Variants in TENM3 observed in about 807,000 individuals in gnomAD.
The protein encoded by TENM3 is teneurin transmembrane protein 3, also known as teneurin-3.
TENM3 carries 63 observed loss-of-function variants against 255.1 expected under a neutral mutation model. The observed-to-expected ratio is 0.25, with a 90% CI of 0.20 to 0.30. The LOEUF (loss-of-function observed/expected upper bound fraction) is 0.30, where lower values mean the gene tolerates loss of function less well. Ranked by LOEUF, TENM3 falls within the 10% of genes least tolerant of loss-of-function variation. The pLI is 1.00. For missense variants in TENM3, 2,929 were observed against 3,461.1 expected (o/e 0.85, Z 3.86); for synonymous variants, 1,306 against 1,322.3 (o/e 0.99, Z 0.27).
the TENM3 span, among the ~76,000 whole-genome samples, chr4:181,666,122 T>C: frequency 6.6e-6 from 1 of 152,100 alleles, no homozygotes; most frequent in Non-Finnish European, 1.5e-5. Context: ...TTTTGAAAAG[T>C]TTCCTTCACA....
chr4:181,721,028 G>T, the TENM3 span, among the ~76,000 whole-genome samples: 68 of 151,930 alleles, frequency 4.5e-4, 1 homozygote, highest in African/African-American at 1.5e-3. Flanking sequence ...GAGCATGAAG[G>T]CAGAGTCAGG....
At chr4:181,530,071 C>T in the TENM3 span, among the ~76,000 whole-genome samples, 1 of 152,090 alleles carries the variant, frequency 6.6e-6, no homozygotes, top group African/African-American at 2.4e-5. Context: ...TAACTGTGTA[C>T]AATTACATTT....
At chr4:181,510,377 G>A in the TENM3 span, among the ~76,000 whole-genome samples, 1 of 151,818 alleles carries the variant, frequency 6.6e-6, no homozygotes, top group Non-Finnish European at 1.5e-5. Context: ...CAAAAACAAA[G>A]CCTCTGAGAG....
chr4:182,284,364 T>C (rs1350608653), intron 1 of TENM3, among the ~76,000 whole-genome samples: 1 of 152,216 alleles, frequency 6.6e-6, no homozygotes, highest in African/African-American at 2.4e-5. Flanking sequence ...AAAGTTATTA[T>C]AATTTTGGTT....
the TENM3 span, among the ~76,000 whole-genome samples, chr4:182,093,122 C>G: frequency 6.6e-6 from 1 of 152,152 alleles, no homozygotes; most frequent in Non-Finnish European, 1.5e-5. Context: ...TACTCATACA[C>G]TGATTACTCC....
the TENM3 span, among the ~76,000 whole-genome samples, chr4:182,103,618 C>G: frequency 6.6e-6 from 1 of 152,206 alleles, no homozygotes; most frequent in Non-Finnish European, 1.5e-5. Flanking sequence ...CACTGCCCTG[C>G]CCACAGCAGT....
At chr4:182,283,818 GTGTT>G (rs1316339985) in intron 1 of TENM3, among the ~76,000 whole-genome samples, 1 of 152,162 alleles carries the variant, frequency 6.6e-6, no homozygotes, top group East Asian at 1.9e-4. Flanking sequence ...GGGTATGTGG[GTGTT>G]TGTTGTCTTA....
chr4:182,537,495 CA>C (rs1327575843), intron 3 of TENM3, among the ~76,000 whole-genome samples: 3 of 152,230 alleles, frequency 2.0e-5, no homozygotes, highest in African/African-American at 7.2e-5. Flanking sequence ...TTCTCAGCTT[CA>C]GTCAAGTAAA....
the TENM3 span, among the ~76,000 whole-genome samples, chr4:181,626,792 G>A: frequency 6.6e-6 from 1 of 152,194 alleles, no homozygotes; most frequent in Non-Finnish European, 1.5e-5. Flanking sequence ...ATTCAAACGG[G>A]TTTGGATTTG....
At chr4:182,785,815 A>G (rs905624669) in intron 24 of TENM3, among the ~76,000 whole-genome samples, 3 of 149,914 alleles carry the variant, frequency 2.0e-5, no homozygotes, top group Non-Finnish European at 2.9e-5. Flanking sequence ...CCCTGACATC[A>G]TAAAGATGTG....
the TENM3 span, among the ~76,000 whole-genome samples, chr4:181,896,527 C>T: frequency 1.3e-5 from 2 of 152,148 alleles, no homozygotes; most frequent in African/African-American, 2.4e-5. Flanking sequence ...GGTGACAGCA[C>T]CAGCTTTCCC....
the TENM3 span, among the ~76,000 whole-genome samples, chr4:181,969,484 A>C: frequency 6.6e-6 from 1 of 152,142 alleles, no homozygotes; most frequent in African/African-American, 2.4e-5. Flanking sequence ...AGTCTTTCTC[A>C]ACATTTTTGC....
intron 3 of TENM3, among the ~76,000 whole-genome samples, chr4:182,564,787 A>T (rs1393564264): frequency 6.6e-6 from 1 of 152,192 alleles, no homozygotes; most frequent in African/African-American, 2.4e-5. Context: ...TAACTCCTGC[A>T]ATGATCTAAC....
the TENM3 span, among the ~76,000 whole-genome samples, chr4:181,813,952 T>G: frequency 6.6e-6 from 1 of 151,966 alleles, no homozygotes; most frequent in Non-Finnish European, 1.5e-5. Flanking sequence ...GAGAAGAAAA[T>G]AGTAGCTTAA....
At chr4:181,820,428 A>ATTT in the TENM3 span, 1 of 151,864 alleles carries the variant, frequency 6.6e-6, no homozygotes, top group Non-Finnish European at 1.5e-5. Flanking sequence ...ACTTTTTCAT[A>ATTT]TTTTCTTAGT....
rs1214155510 is a variant in TENM3 at position 182,169,491 on chromosome 4, T to C, written c.-76+24737T>C. 2.0e-5 allele frequency: 6 copies of C among 296,166 alleles called. No individual in the cohort carries two copies. The East Asian group carries it at 6.3e-4, about 31-fold the overall frequency. The allele number at this position is 296,166 out of a possible 1,614,324, so 18.3% of individuals were successfully genotyped here. A position where few individuals can be genotyped will look rare whatever the true frequency, so the allele number is the denominator to read the frequency against. On this transcript the variant is annotated intron_variant, in intron 1 of 2. Coordinates refer to the TENM3 transcript ENST00000512480. ...ACCACCTAAAATATGAATGAAGATATATGTGAGGAGCTTTTTAGAGGAGAA... is the reference window on the plus strand; with the variant it reads ...ACCACCTAAAATATGAATGAAGATACATGTGAGGAGCTTTTTAGAGGAGAA...
rs1467379690 is a variant in TENM3, at chr4:182,716,288, C to T, written c.2368+2055C>T. On this transcript the variant is annotated intron_variant, in intron 13 of 27. Coordinates refer to ENST00000511685, the MANE Select transcript of TENM3 (RefSeq NM_001080477.4). ...AGGACCAAGTCTGCAGAGACACTGC[C>T]GAGTAATTTAGGGGCTAATCAACTC... 3.9e-5 allele frequency among the ~76,000 whole-genome samples: 6 copies of T among 152,152 alleles called. No homozygotes were observed. In the East Asian group the frequency reaches 9.6e-4, roughly 24 times the overall value.
chr4:181,504,294 G>T, the TENM3 span, among the ~76,000 whole-genome samples: 1 of 152,166 alleles, frequency 6.6e-6, no homozygotes, highest in Non-Finnish European at 1.5e-5. Context: ...CACAGCTCAC[G>T]CTTGTCTCTC....
At chr4:181,683,196 T>A in the TENM3 span, among the ~76,000 whole-genome samples, 1 of 152,080 alleles carries the variant, frequency 6.6e-6, no homozygotes, top group African/African-American at 2.4e-5. Flanking sequence ...ATATACCAGG[T>A]AGAGGACTAT....
Sources: gnomAD v4.1 joint callset for allele counts (sites outside exome capture counted in the v4.1 genomes callset) on GRCh38, gnomAD v4.1.1 for gene constraint, MANE v1.5 for transcripts, NCBI Gene and HGNC (gene_info 2026-07-23, HGNC 2026-07-21) for gene names.